OXNAD1: variants seen among roughly 807,000 people sequenced by gnomAD.
OXNAD1 encodes the protein oxidoreductase NAD binding domain containing 1, also known as oxidoreductase NAD-binding domain-containing protein 1.
OXNAD1 carries 34 observed loss-of-function variants against 32.9 expected under a neutral mutation model. The observed-to-expected ratio is 1.03, with a 90% CI of 0.79 to 1.38. OXNAD1 has a LOEUF of 1.38. Ranked by LOEUF, OXNAD1 falls within the 40% of genes most tolerant of loss-of-function variation. OXNAD1 has a pLI of 0.00. For missense variants in OXNAD1, 407 were observed against 379.4 expected (o/e 1.07, Z -0.60); for synonymous variants, 134 against 135.2 (o/e 0.99, Z 0.06).
chr3:16,337,674 G>A (rs1218377706), downstream of OXNAD1, among the ~76,000 whole-genome samples: 2 of 151,494 alleles, frequency 1.3e-5, no homozygotes, highest in African/African-American at 4.9e-5. This position sits in a 1 kb window ranked among gnomAD's most constrained non-coding sequence, Gnocchi z 5.0. Flanking sequence ...CCCAGGAGGC[G>A]GAGGTTGCAG....
intron 9 of OXNAD1, among the ~76,000 whole-genome samples, chr3:16,313,312 G>A (rs2068106305): frequency 6.6e-6 from 1 of 150,512 alleles, no homozygotes; most frequent in South Asian, 2.1e-4. Context: ...CAAAGTGCTG[G>A]GACTATAGGC....
Position 16,302,664 on chromosome 3 carries a change from G to T in OXNAD1, c.700G>T (p.Glu234Ter). The change falls in exon 8 of 9, where the codon GAA (glutamate) becomes TAA (stop). Residue 234 changes from glutamate to a stop codon, truncating the protein, a stop_gained. Coordinates refer to ENST00000285083, the MANE Select transcript of OXNAD1 (RefSeq NM_138381.5). LOFTEE classifies it high-confidence loss of function. The surrounding 1 kb of genome is among the most constrained non-coding windows in gnomAD (Gnocchi z 4.2). ...GAAAAATATCCTTGATTTAGTAAAT[G>T]AATTTCCTGAGAAGATTGCATGCAG... Reference protein sequence around the residue: ...FKKNILDLVNEFPEKIACSLH... With the variant: ...FKKNILDLVN The T allele has an allele frequency of 6.2e-7, 1 of 1,612,206 alleles. No individual in the cohort carries two copies. The highest frequency in any genetic ancestry group is 8.5e-7 in the Non-Finnish European group (1 of 1,178,762).
rs952740940 is a variant in OXNAD1, at chr3:16,349,002, A to G, written c.*31-174A>G. ...ACAGCCATCCCAGGCTCCACTATCC[A>G]AGGACAGGGTCAAAGTTTCAGATCA... On this transcript the variant is annotated intron_variant, in intron 9 of 9. Coordinates refer to the OXNAD1 transcript ENST00000606098. Among the ~76,000 whole-genome samples the G allele has an allele frequency of 9.8e-5, 15 of 152,332 alleles. 2 individuals carry two copies. Among genetic ancestry groups the G allele is most frequent in the East Asian group, 3.9e-4 (2 of 5,188 alleles).
At position 16,290,084 on chromosome 3, in the gene OXNAD1, C is replaced by T. The variant is rs377051560; in HGVS notation, c.290+3636C>T. On this transcript the variant is annotated intron_variant, in intron 5 of 8. Transcript: ENST00000285083. The surrounding 1 kb of genome is among the most constrained non-coding windows in gnomAD (Gnocchi z 4.2). ...GATCTCATAGTATAGCTGCTGTGTGCTTGGCACTGGGGCTCCCTTTGTGGA... is the reference window on the plus strand; with the variant it reads ...GATCTCATAGTATAGCTGCTGTGTGTTTGGCACTGGGGCTCCCTTTGTGGA... Among the ~76,000 whole-genome samples, 6 of 152,262 alleles carry T rather than the reference C, an allele frequency of 3.9e-5. No homozygotes were observed. In the South Asian group the frequency reaches 6.2e-4, roughly 16 times the overall value.
At chr3:16,295,170 G>C (rs1232051654) in intron 6 of OXNAD1, among the ~76,000 whole-genome samples, 173 bp downstream of exon 6, 2 of 152,164 alleles carry the variant, frequency 1.3e-5, no homozygotes, top group African/African-American at 4.8e-5. Flanking sequence ...GTATGAGTCA[G>C]AGACTTTGGG....
intron 6 of OXNAD1, among the ~76,000 whole-genome samples, chr3:16,295,956 G>C (rs904790841): frequency 2.0e-5 from 3 of 152,206 alleles, no homozygotes; most frequent in Non-Finnish European, 4.4e-5. Flanking sequence ...GAGCCACATG[G>C]AAATAAGTAG....
intron 4 of OXNAD1, among the ~76,000 whole-genome samples, chr3:16,273,520 AT>A (rs2124986907): frequency 6.6e-6 from 1 of 151,740 alleles, no homozygotes; most frequent in East Asian, 1.9e-4. Flanking sequence ...AAGCCTCCTG[AT>A]TAGCGAGGAC....
chr3:16,310,611 A>AC (rs1181622776), downstream of OXNAD1, among the ~76,000 whole-genome samples: 2 of 152,068 alleles, frequency 1.3e-5, no homozygotes, highest in Non-Finnish European at 2.9e-5. Flanking sequence ...TTTCTTCAAG[A>AC]CCCAGTCCCT....
intron 2 of OXNAD1, 86 bp from the exon 3 acceptor site, chr3:16,270,859 C>G: frequency 1.3e-6 from 2 of 1,562,042 alleles, no homozygotes; most frequent in South Asian, 1.2e-5. Context: ...GAAATCCACA[C>G]TCTTCCTCAC....
chr3:16,272,006 T>C, intron 4 of OXNAD1: 1 of 516,328 alleles, frequency 1.9e-6, no homozygotes. Flanking sequence ...GTATGATGTT[T>C]AGGGTTATGT....
chr3:16,302,732 C>G lies in OXNAD1; in HGVS notation c.768C>G (p.Leu256=). The G allele has an allele frequency of 6.2e-7, 1 of 1,610,858 alleles. No individual in the cohort carries two copies. Among genetic ancestry groups the G allele is most frequent in the East Asian group, 2.2e-5 (1 of 44,758 alleles). ...TKQTTQINAE[L]KPYITEGRIT... ...AGACTACACAAATCAATGCGGAACT[C>G]AAGCCATACATCACGGGTGAGTCCC... Residue 256 remains leucine, a synonymous_variant, in exon 8 of 9, where the codon CTC becomes CTG. Coordinates refer to ENST00000285083, the MANE Select transcript of OXNAD1 (RefSeq NM_138381.5). This position sits in a 1 kb window ranked among gnomAD's most constrained non-coding sequence, Gnocchi z 4.2.
rs2070647819 is a variant in OXNAD1 at position 16,334,355 on chromosome 3, G to GT, written c.*31-2756dup. Among the ~76,000 whole-genome samples the GT allele has an allele frequency of 6.6e-6, 1 of 152,172 alleles. No homozygotes were observed. Among genetic ancestry groups the GT allele is most frequent in the Admixed American group, 6.5e-5 (1 of 15,278 alleles). ...AACCCTCCTGGAGAACAGTTTGACA[G>GT]TATCTTTCAAAATTACAAACACATT... On this transcript the variant is annotated intron_variant, in intron 9 of 9. Coordinates refer to the OXNAD1 transcript ENST00000435829. This position sits in a 1 kb window ranked among gnomAD's most constrained non-coding sequence, Gnocchi z 4.3.
Position 16,336,403 on chromosome 3 carries a change from G to A in OXNAD1, c.*31-709G>A, listed in dbSNP as rs1575034966. Among the ~76,000 whole-genome samples the A allele has an allele frequency of 6.6e-6, 1 of 152,146 alleles. No individual in the cohort carries two copies. Among genetic ancestry groups the A allele is most frequent in the African/African-American group, 2.4e-5 (1 of 41,426 alleles). On this transcript the variant is annotated intron_variant, in intron 9 of 9. Transcript: ENST00000435829. This position sits in a 1 kb window ranked among gnomAD's most constrained non-coding sequence, Gnocchi z 6.0. ...TGGAGGGAGGGAGAAGGGAAGGGGCGACCTGCTGCTCTGTGGAGAAACAGC... is the reference window on the plus strand; with the variant it reads ...TGGAGGGAGGGAGAAGGGAAGGGGCAACCTGCTGCTCTGTGGAGAAACAGC...
At chr3:16,325,615 C>T (rs541299) in intron 9 of OXNAD1, among the ~76,000 whole-genome samples, 90,199 of 151,928 alleles carry the variant, frequency 0.59, 27,060 homozygotes, top group African/African-American at 0.69. Context: ...TCTTTCTACA[C>T]CACTGCATTG....
chr3:16,268,990 G>C (rs1333483791), intron 1 of OXNAD1, 136 bp from the exon 2 acceptor site: 2 of 576,202 alleles, frequency 3.5e-6, no homozygotes, highest in African/African-American at 3.9e-5. Context: ...TGGATGGAGA[G>C]GGGGTAATTG....
At chr3:16,306,211 C>A (rs1003422086), downstream of OXNAD1, 7 of 152,054 alleles carry the variant, frequency 4.6e-5, no homozygotes, top group Non-Finnish European at 8.8e-5. Flanking sequence ...TATATTTTTT[C>A]AAACATATGA....
intron 4 of OXNAD1, among the ~76,000 whole-genome samples, chr3:16,279,951 TTTG>T (rs2065628691): frequency 6.6e-6 from 1 of 152,070 alleles, no homozygotes; most frequent in Non-Finnish European, 1.5e-5. Context: ...AGAAGCTTGT[TTTG>T]TTTGTTGTAT....
Position 16,329,381 on chromosome 3 carries a change from CGGAAGGGAGGAG to C in OXNAD1, c.*31-7719_*31-7708del, listed in dbSNP as rs1368348837. 2.0e-5 allele frequency among the ~76,000 whole-genome samples: 3 copies of C among 151,852 alleles called. No homozygotes were observed. The highest frequency in any genetic ancestry group is 4.4e-5 in the Non-Finnish European group (3 of 67,978). On this transcript the variant is annotated intron_variant, in intron 9 of 9. Transcript: ENST00000435829. The surrounding 1 kb of genome is among the most constrained non-coding windows in gnomAD (Gnocchi z 4.5). ...AAAGAGGAAACTTAATAAAGGAAGG[CGGAAGGGAGGAG>C]GGAAGGGAGGAAAGGAGAGAGAGGT...
intron 5 of OXNAD1, among the ~76,000 whole-genome samples, chr3:16,294,418 A>G (rs2066630580): frequency 6.6e-6 from 1 of 152,086 alleles, no homozygotes; most frequent in African/African-American, 2.4e-5. Flanking sequence ...CCTGTTGGTC[A>G]GGTTGGTCTC....
Sources: gnomAD v4.1 joint callset for allele counts (sites outside exome capture counted in the v4.1 genomes callset) on GRCh38, gnomAD v4.1.1 for gene constraint, Gnocchi (gnomAD v3.1) non-coding constraint, MANE v1.5 for transcripts, NCBI Gene and HGNC (gene_info 2026-07-23, HGNC 2026-07-21) for gene names.